The following JAKMIP3 variants were observed in gnomAD, a reference collection of about 807,000 sequenced individuals.
The protein encoded by JAKMIP3 is Janus kinase and microtubule interacting protein 3.
JAKMIP3 carries 58 observed loss-of-function variants against 118.5 expected under a neutral mutation model. The observed-to-expected ratio is 0.49, with a 90% CI of 0.40 to 0.61. The LOEUF (loss-of-function observed/expected upper bound fraction) is 0.61. Ranked by LOEUF, JAKMIP3 falls within the 20% of genes least tolerant of loss-of-function variation. JAKMIP3 has a pLI of 0.00. For synonymous variants in JAKMIP3, 486 were observed against 451.2 expected, an observed-to-expected ratio of 1.08 and a Z score of -0.98; for missense variants, 950 against 1,109.0, an observed-to-expected ratio of 0.86 and a Z score of 2.04.
At chr10:132,107,701 T>G (rs1316910001) in intron 2 of JAKMIP3, among the ~76,000 whole-genome samples, 1 of 152,058 alleles carries the variant, frequency 6.6e-6, no homozygotes, top group African/African-American at 2.4e-5. Flanking sequence ...CCTCTTGGAG[T>G]CAGTTCCACG....
intron 23 of JAKMIP3, among the ~76,000 whole-genome samples, chr10:132,180,782 T>TGTGTGTGC (rs1554963508): frequency 1.6e-5 from 1 of 60,610 alleles, no homozygotes. Context: ...TGTGTGTGTG[T>TGTGTGTGC]GCGCGTATGC....
At chr10:132,093,353 A>G (rs2043349876) in intron 1 of JAKMIP3, among the ~76,000 whole-genome samples, 1 of 151,972 alleles carries the variant, frequency 6.6e-6, no homozygotes, top group South Asian at 2.1e-4. Flanking sequence ...GCTGTGCCCT[A>G]CCCCCAGAGG....
chr10:132,044,077 C>T lies in JAKMIP3; in HGVS notation c.-138+7339C>T, dbSNP rs964646665. 1.4e-4 allele frequency among the ~76,000 whole-genome samples: 22 copies of T among 152,194 alleles called. No individual in the cohort carries two copies. The highest frequency in any genetic ancestry group is 3.9e-4 in the African/African-American group (16 of 41,456). ...AGTTCAGATACCGTGTGTGCAGTGG[C>T]GCTTGTGGCCCACCTGGGGACACAG... On this transcript the variant is annotated intron_variant, in intron 1 of 23. Coordinates refer to the JAKMIP3 transcript ENST00000657785. This position sits in a 1 kb window ranked among gnomAD's most constrained non-coding sequence, Gnocchi z 5.3.
At position 132,148,061 on chromosome 10, in the gene JAKMIP3, G is replaced by A. The variant is rs749199510; in HGVS notation, c.1848+11G>A. 5 of 1,567,796 alleles carry A rather than the reference G, an allele frequency of 3.2e-6. No homozygotes were observed. Among genetic ancestry groups the A allele is most frequent in the South Asian group, 2.3e-5 (2 of 87,952 alleles). ...ATCCTGGAGCTTGAGGTAGCTGAGTGGATGGCCAGCACTGTGGCCTGTGGC... is the reference window on the plus strand; with the variant it reads ...ATCCTGGAGCTTGAGGTAGCTGAGTAGATGGCCAGCACTGTGGCCTGTGGC... On this transcript the variant is annotated intron_variant, in intron 14 of 23. Coordinates refer to ENST00000684848, the MANE Select transcript of JAKMIP3 (RefSeq NM_001323087.2).
In JAKMIP3 at chr10:132,180,688, TGTGC is replaced by T. The variant is rs1173794771; in HGVS notation, c.*1104-1661_*1104-1658del. 2.9e-3 allele frequency among the ~76,000 whole-genome samples: 69 copies of T among 24,080 alleles called. 13 individuals are homozygous for T. Among genetic ancestry groups the T allele is most frequent in the Middle Eastern group, 0.023 (1 of 44 alleles). 15.8% of individuals were successfully genotyped at this position (24,080 alleles called of 152,430 possible). A position where few individuals can be genotyped will look rare whatever the true frequency, so the allele number is the denominator to read the frequency against. ...GTGCGTGTGTGTGCGCGCGCGTGTG[TGTGC>T]GTGCGTGTGTGTGTGCGCGTGTGTG... is the stretch of plus-strand genomic sequence containing the variant. On this transcript the variant is annotated intron_variant, in intron 23 of 23. Transcript: ENST00000684848.
chr10:132,089,692 C>T (rs1394962910), intron 1 of JAKMIP3, among the ~76,000 whole-genome samples: 1 of 152,082 alleles, frequency 6.6e-6, no homozygotes, highest in East Asian at 1.9e-4. Flanking sequence ...TAATTGAATA[C>T]CCTTTATTTC....
rs1017972791 is a variant in JAKMIP3, at chr10:132,109,525, G to C, written c.135+4582G>C. ...GTCCCCCTGCGCCCGGGCGTCTTCT[G>C]TCCTGAGAACGACAGTGAGGGTCTC... is the stretch of plus-strand genomic sequence containing the variant. On this transcript the variant is annotated intron_variant, in intron 2 of 23. Transcript: ENST00000684848. 4.6e-5 allele frequency among the ~76,000 whole-genome samples: 7 copies of C among 152,272 alleles called. No individual in the cohort carries two copies. The East Asian group carries it at 1.4e-3, about 29-fold the overall frequency.
intron 1 of JAKMIP3, among the ~76,000 whole-genome samples, chr10:132,043,931 A>G (rs1368625895): frequency 6.6e-6 from 1 of 152,204 alleles, no homozygotes; most frequent in Non-Finnish European, 1.5e-5. Context: ...TTTTTGAGCA[A>G]TGAGATTCAA....
At chr10:132,147,819 T>C in intron 13 of JAKMIP3, 133 bp from the exon 14 acceptor site, 1 of 619,816 alleles carries the variant, frequency 1.6e-6, no homozygotes, top group South Asian at 1.9e-5. Flanking sequence ...TGTGAGGCGC[T>C]TCCAGGGCTG....
At chr10:132,104,361 G>A (rs36037540) in intron 1 of JAKMIP3, among the ~76,000 whole-genome samples, 35,062 of 152,048 alleles carry the variant, frequency 0.23, 4,675 homozygotes, top group African/African-American at 0.38. Flanking sequence ...TTCTGAGTTC[G>A]AAGTTGGGTG....
In JAKMIP3 at chr10:132,050,252, G is replaced by A. The variant is rs113089928; in HGVS notation, c.-138+13514G>A. On this transcript the variant is annotated intron_variant, in intron 1 of 23. Coordinates refer to the JAKMIP3 transcript ENST00000657785. The stretch of plus-strand genomic sequence containing the variant: ...CCCATTTCCTGGCCCTCAGATCCTC[G>A]CGCTGCCCGTTAACAGGGTCTGGCT... 4.3e-3 allele frequency among the ~76,000 whole-genome samples: 649 copies of A among 152,266 alleles called. 7 individuals carry two copies. The highest frequency in any genetic ancestry group is 0.014 in the African/African-American group (588 of 41,544).
intron 1 of JAKMIP3, among the ~76,000 whole-genome samples, chr10:132,068,519 GT>G (rs1472978826): frequency 1.3e-5 from 2 of 152,044 alleles, no homozygotes; most frequent in African/African-American, 4.8e-5. Context: ...TCTTGGGCAG[GT>G]GTTTCTTATC....
chr10:132,065,484 C>G (rs554226826), upstream of JAKMIP3, among the ~76,000 whole-genome samples: 5 of 152,104 alleles, frequency 3.3e-5, no homozygotes, highest in East Asian at 9.7e-4. This position sits in a 1 kb window ranked among gnomAD's most constrained non-coding sequence, Gnocchi z 5.6. Context: ...AGGGGGTTCT[C>G]CAAGCAGGAG....
intron 19 of JAKMIP3, among the ~76,000 whole-genome samples, chr10:132,156,308 G>A (rs938531080): frequency 6.6e-6 from 1 of 152,120 alleles, no homozygotes; most frequent in African/African-American, 2.4e-5. Context: ...GCTGATTGCT[G>A]GCATGGACAG....
chr10:132,057,976 C>T (rs1047642480), intron 1 of JAKMIP3, among the ~76,000 whole-genome samples: 5 of 152,214 alleles, frequency 3.3e-5, no homozygotes, highest in African/African-American at 7.2e-5. Flanking sequence ...GCAATCAGGG[C>T]CGCATCCTGG....
upstream of JAKMIP3, among the ~76,000 whole-genome samples, chr10:132,061,838 CAT>C (rs112771461): frequency 3.0e-3 from 455 of 152,220 alleles, 5 homozygotes; most frequent in African/African-American, 9.9e-3. Flanking sequence ...CAGAGGAAAA[CAT>C]GTGGGTAAAA....
intron 23 of JAKMIP3, among the ~76,000 whole-genome samples, chr10:132,171,719 T>A (rs2136848970): frequency 6.6e-6 from 1 of 150,430 alleles, no homozygotes; most frequent in African/African-American, 2.5e-5. Context: ...TGGCGCGATC[T>A]CGGCTCACTG....
chr10:132,132,404 C>G (rs895695073), intron 3 of JAKMIP3, among the ~76,000 whole-genome samples: 2 of 152,156 alleles, frequency 1.3e-5, no homozygotes, highest in African/African-American at 4.8e-5. Flanking sequence ...GTCTGAAGAG[C>G]GGGGGCTGTC....
intron 19 of JAKMIP3, among the ~76,000 whole-genome samples, chr10:132,154,332 C>T (rs1425961209): frequency 1.3e-5 from 2 of 152,218 alleles, no homozygotes; most frequent in Non-Finnish European, 1.5e-5. Context: ...GTCTACCTCC[C>T]ACCCTTCCCC....
Sources: gnomAD v4.1 joint callset for allele counts (sites outside exome capture counted in the v4.1 genomes callset) on GRCh38, gnomAD v4.1.1 for gene constraint, Gnocchi (gnomAD v3.1) non-coding constraint, MANE v1.5 for transcripts, NCBI Gene and HGNC (gene_info 2026-07-23, HGNC 2026-07-21) for gene names.